Variants in UTRN observed in about 807,000 individuals in gnomAD.
The protein encoded by UTRN is utrophin.
A neutral mutation model predicts 463.9 loss-of-function variants in UTRN; 283 were observed. The ratio of observed to expected loss-of-function variants is 0.61; its 90% CI spans 0.55 to 0.67. The LOEUF is 0.67. Ranked by LOEUF, UTRN falls within the 30% of genes least tolerant of loss-of-function variation. The pLI is 0.00. For synonymous variants in UTRN, 1,442 were observed against 1,431.5 expected, an observed-to-expected ratio of 1.01 and a Z score of -0.17; for missense variants, 3,922 against 4,084.3, an observed-to-expected ratio of 0.96 and a Z score of 1.08.
intron 51 of UTRN, among the ~76,000 whole-genome samples, chr6:144,651,316 T>G (rs1778797075): frequency 1.3e-5 from 2 of 152,140 alleles, no homozygotes; most frequent in African/African-American, 4.8e-5. Flanking sequence ...TAAATTTGTG[T>G]TGAAACAAAT....
At chr6:144,763,168 A>C (rs996959505) in intron 58 of UTRN, among the ~76,000 whole-genome samples, 12 of 152,218 alleles carry the variant, frequency 7.9e-5, no homozygotes, top group Non-Finnish European at 4.4e-5. Flanking sequence ...CATGCATGTC[A>C]CATTTTCTAA....
intron 23 of UTRN, among the ~76,000 whole-genome samples, chr6:144,466,383 A>C (rs1789964504): frequency 6.6e-6 from 1 of 152,134 alleles, no homozygotes; most frequent in South Asian, 2.1e-4. Context: ...ATTTGCCTGC[A>C]TTTCCTTTGT....
chr6:144,563,232 A>G (rs1044072126), intron 50 of UTRN, among the ~76,000 whole-genome samples: 16 of 152,182 alleles, frequency 1.1e-4, no homozygotes, highest in Non-Finnish European at 2.1e-4. Flanking sequence ...AAAACAGGTT[A>G]AGTTTCAAAA....
chr6:144,834,227 T>G (rs1004194853), intron 69 of UTRN, among the ~76,000 whole-genome samples: 3 of 152,202 alleles, frequency 2.0e-5, no homozygotes, highest in East Asian at 3.9e-4. Context: ...TCAGGTTAGG[T>G]ACTTATTATT....
intron 61 of UTRN, among the ~76,000 whole-genome samples, chr6:144,787,042 T>C (rs1017540131): frequency 6.6e-6 from 1 of 152,212 alleles, no homozygotes; most frequent in Non-Finnish European, 1.5e-5. Flanking sequence ...TCTTGTGTTG[T>C]GACAGTAAAG....
intron 46 of UTRN, among the ~76,000 whole-genome samples, chr6:144,546,231 G>T (rs1250550208): frequency 1.3e-5 from 2 of 152,158 alleles, no homozygotes; most frequent in Non-Finnish European, 2.9e-5. Context: ...CCATTAGGGT[G>T]CTGTCTGGAT....
At chr6:144,424,156 A>T in intron 6 of UTRN, 78 bp downstream of exon 6, 1 of 1,435,386 alleles carries the variant, frequency 7.0e-7, no homozygotes, top group Non-Finnish European at 9.7e-7. Flanking sequence ...GGCTGCCGTA[A>T]CCAAGTACCA....
chr6:144,506,590 C>T (rs1008380776), intron 34 of UTRN, among the ~76,000 whole-genome samples: 1 of 152,168 alleles, frequency 6.6e-6, no homozygotes. Flanking sequence ...ATATTAGCCC[C>T]CATTCTCTTC....
At chr6:144,617,122 A>G (rs190033577) in intron 51 of UTRN, among the ~76,000 whole-genome samples, 1 of 152,192 alleles carries the variant, frequency 6.6e-6, no homozygotes, top group East Asian at 1.9e-4. Flanking sequence ...TCAGTGGATA[A>G]TTTTCATTGG....
At chr6:144,552,054 T>C (rs897776704) in intron 48 of UTRN, among the ~76,000 whole-genome samples, 1 of 152,202 alleles carries the variant, frequency 6.6e-6, no homozygotes, top group Non-Finnish European at 1.5e-5. Context: ...CTTCCATAGA[T>C]TGTGAATATC....
At chr6:144,821,809 T>C (rs1171198494) in intron 66 of UTRN, among the ~76,000 whole-genome samples, 1 of 152,170 alleles carries the variant, frequency 6.6e-6, no homozygotes. Context: ...TGCTTTTTCA[T>C]ATGTCAGGAT....
In UTRN at chr6:144,584,064, T is replaced by A. The variant is rs187835707; in HGVS notation, c.7479+6776T>A. 3.8e-3 allele frequency among the ~76,000 whole-genome samples: 574 copies of A among 152,270 alleles called. 1 individual carries two copies. The highest frequency in any genetic ancestry group is 0.013 in the African/African-American group (549 of 41,568). ...CAATTAAAACAATTAAAAGACATTT[T>A]AAAAAAATGATCAGACTGAATTTCA... is the stretch of plus-strand genomic sequence containing the variant. On this transcript the variant is annotated intron_variant, in intron 51 of 74. Transcript: ENST00000367545.
At chr6:144,302,203 A>G (rs1025086971) in intron 2 of UTRN, among the ~76,000 whole-genome samples, 2 of 151,944 alleles carry the variant, frequency 1.3e-5, no homozygotes, top group African/African-American at 4.8e-5. Context: ...CTCCACACAC[A>G]CAGTAAGTGC....
Position 144,462,749 on chromosome 6 carries a change from A to G in UTRN, c.2949A>G (p.Glu983=). 1.2e-6 allele frequency: 2 copies of G among 1,611,970 alleles called. No homozygotes were observed. Among genetic ancestry groups the G allele is most frequent in the Non-Finnish European group, 1.7e-6 (2 of 1,179,570 alleles). The change falls in exon 23 of 75, where the codon GAA becomes GAG. Residue 983 remains glutamate, a synonymous_variant. Coordinates refer to ENST00000367545, the MANE Select transcript of UTRN (RefSeq NM_007124.3). Reference sequence around the variant, plus strand: ...AGAAAAATGTTCATCCTGATGTAGAAAAATTATATAAGCAAGAATTTGATG... The same window carrying G: ...AGAAAAATGTTCATCCTGATGTAGAGAAATTATATAAGCAAGAATTTGATG... The part of the protein sequence containing the change: ...ALEKNVHPDV[E]KLYKQEFDDV...
chr6:144,792,203 T>C (rs571690513), intron 62 of UTRN, among the ~76,000 whole-genome samples: 9 of 152,184 alleles, frequency 5.9e-5, no homozygotes, highest in Non-Finnish European at 1.2e-4. Flanking sequence ...TGGTTCAGTT[T>C]GAAATTTCAC....
Position 144,840,839 on chromosome 6 carries a change from A to C in UTRN, c.10270+7A>C, listed in dbSNP as rs1781509684. The C allele has an allele frequency of 6.2e-7, 1 of 1,613,748 alleles. No individual in the cohort carries two copies. Among genetic ancestry groups the C allele is most frequent in the Admixed American group, 1.7e-5 (1 of 60,006 alleles). On this transcript the variant is annotated splice_region_variant and intron_variant, in intron 73 of 74. Coordinates refer to ENST00000367545, the MANE Select transcript of UTRN (RefSeq NM_007124.3). Reference sequence around the variant, plus strand: ...ACGTTTCCATCTTGCTGCCGTGAGTATGAAAGATTGCAGCACCACAGCTGC... The same window carrying C: ...ACGTTTCCATCTTGCTGCCGTGAGTCTGAAAGATTGCAGCACCACAGCTGC...
chr6:144,532,134 C>CAATA (rs34622000), intron 42 of UTRN, among the ~76,000 whole-genome samples: 27,384 of 150,990 alleles, frequency 0.18, 2,556 homozygotes, highest in South Asian at 0.31. Context: ...AATACTGTGT[C>CAATA]AATAAATAAA....
At position 144,531,038 on chromosome 6, in the gene UTRN, G is replaced by A. The variant is rs759135776; in HGVS notation, c.5907-14G>A. On this transcript the variant is annotated splice_polypyrimidine_tract_variant and intron_variant, in intron 41 of 74. Coordinates refer to ENST00000367545, the MANE Select transcript of UTRN (RefSeq NM_007124.3). ...AATTTGGAAACCTATTTTATTTTGT[G>A]TATTGTCCTCTAGTTGTTTTGACAG... The A allele has an allele frequency of 1.9e-6, 3 of 1,609,810 alleles. No individual in the cohort carries two copies. Among genetic ancestry groups the A allele is most frequent in the Non-Finnish European group, 2.5e-6 (3 of 1,177,758 alleles).
intron 63 of UTRN, among the ~76,000 whole-genome samples, chr6:144,796,666 G>A (rs1185633724): frequency 1.3e-5 from 2 of 151,912 alleles, no homozygotes; most frequent in Non-Finnish European, 2.9e-5. Context: ...AGACATTTTA[G>A]AAATGTTACT....
Sources: gnomAD v4.1 joint callset for allele counts (sites outside exome capture counted in the v4.1 genomes callset) on GRCh38, gnomAD v4.1.1 for gene constraint, MANE v1.5 for transcripts, NCBI Gene and HGNC (gene_info 2026-07-23, HGNC 2026-07-21) for gene names.